EXOSC8: variants seen among roughly 807,000 people sequenced by gnomAD.
EXOSC8 encodes exosome complex component RRP43.
In EXOSC8, 37 loss-of-function variants were observed where a neutral mutation model predicts 39.9. The observed-to-expected ratio is 0.93, with a 90% CI of 0.71 to 1.22. The LOEUF (loss-of-function observed/expected upper bound fraction) is 1.22. Among genes scored for constraint, EXOSC8 ranks in the 50% most tolerant of loss-of-function variants. The pLI is 0.00. For missense variants in EXOSC8, 313 were observed against 326.6 expected (o/e 0.96, Z 0.32); for synonymous variants, 93 against 109.5 (o/e 0.85, Z 0.94).
At position 37,005,612 on chromosome 13, in the gene EXOSC8, A is replaced by C. The variant is rs143860109; in HGVS notation, c.239-308A>C. ...GCCGGGCATGGTGGCTCACACCTGT[A>C]ACCTCAGCACTTTGCGAGGCTGAGG... On this transcript the variant is annotated intron_variant, in intron 5 of 10. Transcript: ENST00000389704. Among the ~76,000 whole-genome samples, 367 of 152,288 alleles carry C rather than the reference A, an allele frequency of 2.4e-3. 3 individuals carry two copies. Among genetic ancestry groups the C allele is most frequent in the African/African-American group, 8.2e-3 (339 of 41,554 alleles).
In EXOSC8 at chr13:37,009,158, A is replaced by C. The variant is rs199956073; in HGVS notation, c.716-26A>C. 7.0e-6 allele frequency: 10 copies of C among 1,432,682 alleles called. No homozygotes were observed. The East Asian group carries it at 2.3e-4, about 33-fold the overall frequency. The allele number at this position is 1,432,682 out of a possible 1,614,324, so 88.7% of individuals were successfully genotyped here. A position where few individuals can be genotyped will look rare whatever the true frequency, so the allele number is the denominator to read the frequency against. Reference sequence around the variant, plus strand: ...TGAAAAGGAATGATAACTGAGATTAAAAGTATTGGCAAAATAATTTTTCAG... The same window carrying C: ...TGAAAAGGAATGATAACTGAGATTACAAGTATTGGCAAAATAATTTTTCAG... On this transcript the variant is annotated intron_variant, in intron 10 of 10. Coordinates refer to ENST00000389704, the MANE Select transcript of EXOSC8 (RefSeq NM_181503.3).
intron 1 of EXOSC8, among the ~76,000 whole-genome samples, 160 bp downstream of exon 1, chr13:37,000,982 A>G (rs1593695686): frequency 1.3e-5 from 2 of 152,228 alleles, no homozygotes; most frequent in East Asian, 3.9e-4. Flanking sequence ...GGAGGTTGTC[A>G]CAGTGAAAAG....
intron 7 of EXOSC8, 98 bp downstream of exon 7, chr13:37,006,258 G>T: frequency 1.3e-6 from 1 of 763,594 alleles, no homozygotes; most frequent in African/African-American, 1.8e-5. Context: ...ACCAATCAAA[G>T]TAGCTTTAAA....
At position 37,009,368 on chromosome 13, in the gene EXOSC8, T is replaced by C; in HGVS notation, c.*69T>C. The C allele has an allele frequency of 1.1e-6, 1 of 873,116 alleles. No individual in the cohort carries two copies. The highest frequency in any genetic ancestry group is 1.8e-6 in the Non-Finnish European group (1 of 547,724). The allele number at this position is 873,116 out of a possible 1,614,324, so 54.1% of individuals were successfully genotyped here. ...GTTAACACTGTGCACAAACGTTTTA[T>C]ACTAAATAAATATCAAACTACATTC... On this transcript the variant is annotated 3_prime_UTR_variant, in exon 11 of 11. Transcript: ENST00000389704.
In EXOSC8 at chr13:37,003,002, A is replaced by G; in HGVS notation, c.187A>G (p.Lys63Glu). 6.3e-7 allele frequency: 1 copy of G among 1,586,488 alleles called. No individual in the cohort carries two copies. Among genetic ancestry groups the G allele is most frequent in the South Asian group, 1.1e-5 (1 of 90,514 alleles). ...AAATACTACAGTAATCTGTGGAGTT[A>G]AAGCAGTAAGTCTAAATATGTCCTA... ...LGNTTVICGV[K>E]AEFAAPSTDA... is the part of the protein sequence containing the mutation. The change falls in exon 4 of 11, where the codon AAA (lysine) becomes GAA (glutamate). Residue 63 changes from lysine to glutamate, a missense_variant. Transcript: ENST00000389704.
At chr13:37,002,813 A>G (rs2059115239) in intron 3 of EXOSC8, 121 bp from the exon 4 acceptor site, 1 of 719,652 alleles carries the variant, frequency 1.4e-6, no homozygotes, top group African/African-American at 1.8e-5. Flanking sequence ...TTCATAAGCA[A>G]CTGAGAGGGG....
rs1566080288 is a variant in EXOSC8 at position 37,009,305 on chromosome 13, C to T, written c.*6C>T. The T allele has an allele frequency of 8.8e-6, 13 of 1,475,420 alleles. No homozygotes were observed. Among genetic ancestry groups the T allele is most frequent in the Non-Finnish European group, 1.0e-5 (11 of 1,057,572 alleles). 91.4% of individuals were successfully genotyped at this position (1,475,420 alleles called of 1,614,324 possible). A position where few individuals can be genotyped will look rare whatever the true frequency, so the allele number is the denominator to read the frequency against. ...AGAGTATGAAACCCAAATAAACAGCCACCACATTTTCAAAACAGATTTGTA... is the reference window on the plus strand; with the variant it reads ...AGAGTATGAAACCCAAATAAACAGCTACCACATTTTCAAAACAGATTTGTA... On this transcript the variant is annotated 3_prime_UTR_variant, in exon 11 of 11. Transcript: ENST00000389704.
chr13:37,004,545 T>A lies in EXOSC8; in HGVS notation c.222T>A (p.Pro74=). Residue 74 remains proline (P), a synonymous_variant, in exon 5 of 11, where the codon CCT becomes CCA. Transcript: ENST00000389704. Reference sequence around the variant, plus strand: ...TTGCAGCACCATCAACAGATGCCCCTGATAAAGGATACGTTGGTAAGTTAA... The same window carrying A: ...TTGCAGCACCATCAACAGATGCCCCAGATAAAGGATACGTTGGTAAGTTAA... ...AEFAAPSTDA[P]DKGYVVPNVD... 1 of 1,605,074 alleles carries A rather than the reference T, an allele frequency of 6.2e-7. No homozygotes were observed.
At chr13:37,001,430 G>A (rs1230350165) in intron 1 of EXOSC8, 5 of 152,162 alleles carry the variant, frequency 3.3e-5, no homozygotes, top group African/African-American at 4.8e-5. Context: ...CAAGATTGTT[G>A]CATCAGAACC....
Position 37,000,835 on chromosome 13 carries a change from G to T in EXOSC8, c.17+13G>T. 1 of 1,565,738 alleles carries T rather than the reference G, an allele frequency of 6.4e-7. No homozygotes were observed. The highest frequency in any genetic ancestry group is 1.2e-5 in the South Asian group (1 of 85,506). The stretch of plus-strand genomic sequence containing the variant: ...CGGCTGGGTTCAAGTGAGTGTTGGC[G>T]GGTGGCGGGTAGAGTTCTGTACCCT... On this transcript the variant is annotated intron_variant, in intron 1 of 10. Coordinates refer to ENST00000389704, the MANE Select transcript of EXOSC8 (RefSeq NM_181503.3).
At chr13:37,003,081 G>A in intron 4 of EXOSC8, 74 bp downstream of exon 4, 1 of 865,412 alleles carries the variant, frequency 1.2e-6, no homozygotes, top group Middle Eastern at 3.1e-4. Flanking sequence ...ATATACACCT[G>A]TAATTCTACT....
At chr13:37,006,673 C>G (rs754173163) in intron 7 of EXOSC8, among the ~76,000 whole-genome samples, 1 of 152,152 alleles carries the variant, frequency 6.6e-6, no homozygotes, top group Non-Finnish European at 1.5e-5. Context: ...AACCATCTCC[C>G]TTATCTGTAA....
chr13:37,008,254 AG>A, intron 9 of EXOSC8, 77 bp downstream of exon 9: 2 of 1,215,284 alleles, frequency 1.6e-6, no homozygotes, highest in Non-Finnish European at 2.4e-6. Flanking sequence ...CTAACTCTTT[AG>A]GAAGTGCTAT....
At position 37,004,506 on chromosome 13, in the gene EXOSC8, G is replaced by C; in HGVS notation, c.193-10G>C. 6.3e-7 allele frequency: 1 copy of C among 1,596,572 alleles called. No homozygotes were observed. Among genetic ancestry groups the C allele is most frequent in the Admixed American group, 1.7e-5 (1 of 58,540 alleles). On this transcript the variant is annotated splice_polypyrimidine_tract_variant and intron_variant, in intron 4 of 10. Coordinates refer to ENST00000389704, the MANE Select transcript of EXOSC8 (RefSeq NM_181503.3). ...TTCTTTCAATAGGAAACATTTCTTT[G>C]CTACTATAGGAATTTGCAGCACCAT...
At chr13:37,005,686 TA>T (rs2059133560) in intron 5 of EXOSC8, among the ~76,000 whole-genome samples, 1 of 151,550 alleles carries the variant, frequency 6.6e-6, no homozygotes, top group African/African-American at 2.4e-5. Flanking sequence ...GCCAATATGG[TA>T]AAACCCTGTC....
chr13:37,008,140 A>G lies in EXOSC8; in HGVS notation c.571A>G (p.Thr191Ala). ...LKKKSYLNIRTHPVATSFAVF... is the reference protein window; with the variant it reads ...LKKKSYLNIRAHPVATSFAVF... ...GAAGAAAAGTTATTTGAATATTAGA[A>G]CTCATCCAGTTGCAACTTCCTTTGC... The change falls in exon 9 of 11, where the codon ACT becomes GCT. Residue 191 changes from threonine to alanine, a missense_variant. Thr to Ala is a moderately conservative substitution (Grantham distance 58, BLOSUM62 0). Transcript: ENST00000389704. The G allele has an allele frequency of 6.3e-7, 1 of 1,597,734 alleles. No homozygotes were observed. The highest frequency in any genetic ancestry group is 8.5e-7 in the Non-Finnish European group (1 of 1,173,522).
chr13:37,009,095 T>A, intron 10 of EXOSC8, 89 bp from the exon 11 acceptor site: 1 of 873,780 alleles, frequency 1.1e-6, no homozygotes, highest in Non-Finnish European at 1.8e-6. Context: ...ATTATCCAAT[T>A]TTTTTGTTTT....
At chr13:37,008,495 C>T (rs945266515) in intron 9 of EXOSC8, among the ~76,000 whole-genome samples, 1 of 152,224 alleles carries the variant, frequency 6.6e-6, no homozygotes, top group Non-Finnish European at 1.5e-5. Flanking sequence ...GTGGCTCATG[C>T]CTGTAATCCC....
chr13:37,001,044 C>T (rs1400584062), intron 1 of EXOSC8, among the ~76,000 whole-genome samples: 1 of 152,196 alleles, frequency 6.6e-6, no homozygotes, highest in Admixed American at 6.5e-5. Context: ...TGTAGAGTTC[C>T]ATACCCGCTG....
Sources: allele counts gnomAD v4.1 joint callset (sites outside exome capture counted in the v4.1 genomes callset), GRCh38; gene constraint gnomAD v4.1.1; transcripts MANE v1.5; gene names NCBI Gene and HGNC (gene_info 2026-07-23, HGNC 2026-07-21).